TRPC4: variants seen among roughly 807,000 people sequenced by gnomAD.
TRPC4 encodes transient receptor potential cation channel subfamily C member 4.
TRPC4 carries 49 observed loss-of-function variants against 99.4 expected under a neutral mutation model. That is an observed-to-expected ratio of 0.49 (90% CI 0.39 to 0.63). TRPC4 has a LOEUF of 0.63. Ranked by LOEUF, TRPC4 falls within the 20% of genes least tolerant of loss-of-function variation. The pLI, the probability that TRPC4 is intolerant of heterozygous loss-of-function variation, is 0.00. For missense variants in TRPC4, 898 were observed against 1,152.9 expected, an observed-to-expected ratio of 0.78 and a Z score of 3.20; for synonymous variants, 454 against 425.9, an observed-to-expected ratio of 1.07 and a Z score of -0.81.
At chr13:37,847,373 T>C (rs779457856) in intron 1 of TRPC4, among the ~76,000 whole-genome samples, 2 of 151,802 alleles carry the variant, frequency 1.3e-5, no homozygotes, top group Non-Finnish European at 2.9e-5. Flanking sequence ...AAATTAGAAA[T>C]CAATAATAGG....
At position 37,665,975 on chromosome 13, in the gene TRPC4, T is replaced by C. The variant is rs925846362; in HGVS notation, c.1375-2246A>G. ...TGGCCAGGAAAAAATGCTGCATGAATATATTCACTTTATGCAAGGTCAAGG... is the reference window on the plus strand; with the variant it reads ...TGGCCAGGAAAAAATGCTGCATGAACATATTCACTTTATGCAAGGTCAAGG... On this transcript the variant is annotated intron_variant, in intron 5 of 10. Transcript: ENST00000379705. Among the ~76,000 whole-genome samples the C allele has an allele frequency of 2.6e-5, 4 of 151,854 alleles. No individual in the cohort carries two copies. The East Asian group carries it at 7.7e-4, about 29-fold the overall frequency.
chr13:37,714,528 C>G (rs1954598732), intron 3 of TRPC4, among the ~76,000 whole-genome samples: 1 of 152,210 alleles, frequency 6.6e-6, no homozygotes, highest in African/African-American at 2.4e-5. Flanking sequence ...TGACACATAG[C>G]TGCATAAAAT....
intron 1 of TRPC4, among the ~76,000 whole-genome samples, chr13:37,836,424 G>A (rs949356101): frequency 2.0e-5 from 3 of 152,106 alleles, no homozygotes; most frequent in South Asian, 2.1e-4. Context: ...CTCGTTGAAT[G>A]GCTTTGCCCA....
At chr13:37,789,136 A>G (rs1267470012) in intron 1 of TRPC4, among the ~76,000 whole-genome samples, 1 of 152,136 alleles carries the variant, frequency 6.6e-6, no homozygotes, top group African/African-American at 2.4e-5. Flanking sequence ...GCTGATAACC[A>G]TTCACAGGTA....
intron 3 of TRPC4, among the ~76,000 whole-genome samples, chr13:37,735,870 T>C (rs989236458): frequency 6.6e-6 from 1 of 152,222 alleles, no homozygotes; most frequent in Non-Finnish European, 1.5e-5. Flanking sequence ...TTTTTATATC[T>C]AATTTGAAAC....
In TRPC4 at chr13:37,783,234, T is replaced by C; in HGVS notation, c.100A>G (p.Lys34Glu). 3 of 1,613,698 alleles carry C rather than the reference T, an allele frequency of 1.9e-6. No individual in the cohort carries two copies. The highest frequency in any genetic ancestry group is 2.5e-6 in the Non-Finnish European group (3 of 1,179,768). ...RAESELSPSE[K>E]AYLNAVEKGD... ...TTTTCCACAGCATTCAAGTAGGCTTTTTCTGATGGCGAGAGTTCTGATTCT... is the reference window on the plus strand; with the variant it reads ...TTTTCCACAGCATTCAAGTAGGCTTCTTCTGATGGCGAGAGTTCTGATTCT... The change falls in exon 2 of 11, where the codon AAA becomes GAA. Residue 34 changes from lysine to glutamate, a missense_variant. This residue lies in a region of TRPC4 where 278 missense variants were observed against 346.6 expected (regional missense o/e 0.80). Transcript: ENST00000379705.
chr13:37,815,700 C>T (rs1168341146), intron 1 of TRPC4, among the ~76,000 whole-genome samples: 1 of 151,898 alleles, frequency 6.6e-6, no homozygotes, highest in African/African-American at 2.4e-5. Flanking sequence ...CAGTATTAGA[C>T]AGGTCATTGA....
At chr13:37,676,442 C>T (rs1398329732) in intron 4 of TRPC4, among the ~76,000 whole-genome samples, 3 of 150,992 alleles carry the variant, frequency 2.0e-5, no homozygotes, top group Admixed American at 6.6e-5. Flanking sequence ...GCGCAATCTC[C>T]GCCCACTACA....
intron 1 of TRPC4, among the ~76,000 whole-genome samples, chr13:37,855,919 C>T (rs1959170344): frequency 6.6e-6 from 1 of 151,616 alleles, no homozygotes; most frequent in African/African-American, 2.4e-5. Context: ...TAAGTGCCTA[C>T]ATCAGAAAGA....
chr13:37,714,419 G>C (rs150852564), intron 3 of TRPC4, among the ~76,000 whole-genome samples: 1 of 152,264 alleles, frequency 6.6e-6, no homozygotes, highest in Admixed American at 6.5e-5. Context: ...AAGCCACTGT[G>C]CTGGGCCTAT....
intron 1 of TRPC4, among the ~76,000 whole-genome samples, chr13:37,836,031 A>T (rs1958556427): frequency 6.6e-6 from 1 of 151,974 alleles, no homozygotes; most frequent in South Asian, 2.1e-4. Context: ...TGTTCTCATG[A>T]TAGTGAATAA....
rs186739270 is a variant in TRPC4, at chr13:37,644,934, T to C, written c.2080-5635A>G. On this transcript the variant is annotated intron_variant, in intron 8 of 10. Transcript: ENST00000379705. ...ACTTGCATTTTGCAGCTTTTTTTTT[T>C]GTTAAACTAGATTGGTTGTGAGTTG... Among the ~76,000 whole-genome samples, 641 of 151,624 alleles carry C rather than the reference T, an allele frequency of 4.2e-3. 6 individuals are homozygous for C. Among genetic ancestry groups the C allele is most frequent in the Non-Finnish European group, 4.8e-3 (327 of 67,926 alleles).
chr13:37,690,286 T>C (rs756076012), intron 4 of TRPC4, among the ~76,000 whole-genome samples: 1 of 152,180 alleles, frequency 6.6e-6, no homozygotes, highest in Non-Finnish European at 1.5e-5. Context: ...CGGACACTTA[T>C]AGATTATGTG....
At chr13:37,750,638 T>C (rs952469639) in intron 2 of TRPC4, among the ~76,000 whole-genome samples, 5 of 152,114 alleles carry the variant, frequency 3.3e-5, no homozygotes, top group African/African-American at 1.2e-4. Flanking sequence ...TGTTTTTACT[T>C]TGGCAATTTT....
intron 3 of TRPC4, among the ~76,000 whole-genome samples, chr13:37,710,181 A>G (rs750838377): frequency 1.3e-5 from 2 of 151,936 alleles, no homozygotes; most frequent in African/African-American, 2.4e-5. Context: ...TTCTGCTGCA[A>G]ATTAATTACT....
chr13:37,725,107 A>G (rs1955006262), intron 3 of TRPC4, among the ~76,000 whole-genome samples: 1 of 152,158 alleles, frequency 6.6e-6, no homozygotes, highest in Non-Finnish European at 1.5e-5. Flanking sequence ...TGAAGTGAAA[A>G]AACAGTCGAT....
intron 3 of TRPC4, among the ~76,000 whole-genome samples, chr13:37,732,870 A>G (rs182830491): frequency 3.3e-4 from 51 of 152,368 alleles, no homozygotes; most frequent in Non-Finnish European, 2.1e-4. Context: ...TAATATAATT[A>G]AAAATGATCT....
In TRPC4 at chr13:37,848,758, T is replaced by C. The variant is rs181699091; in HGVS notation, c.-28+20837A>G. The stretch of plus-strand genomic sequence containing the variant: ...AGGTGGTCCTGGTCATCAGTACTCA[T>C]GAAGAAAAAGTGGAATAATGCCTTT... On this transcript the variant is annotated intron_variant, in intron 1 of 10. Transcript: ENST00000379705. Among the ~76,000 whole-genome samples the C allele has an allele frequency of 3.9e-5, 6 of 152,310 alleles. No homozygotes were observed. The East Asian group carries it at 1.2e-3, about 29-fold the overall frequency.
intron 3 of TRPC4, among the ~76,000 whole-genome samples, chr13:37,732,229 T>C (rs547870008): frequency 6.6e-6 from 1 of 152,118 alleles, no homozygotes; most frequent in Non-Finnish European, 1.5e-5. Context: ...ATGCTCTATA[T>C]ATAGAAGAGA....
Sources: allele counts gnomAD v4.1 joint callset (sites outside exome capture counted in the v4.1 genomes callset), GRCh38; gene constraint gnomAD v4.1.1; regional missense constraint gnomAD v4.1.1; transcripts MANE v1.5; gene names NCBI Gene and HGNC (gene_info 2026-07-23, HGNC 2026-07-21).